The following MPDZ variants were observed in gnomAD, a reference collection of about 807,000 sequenced individuals.
The protein encoded by MPDZ is multiple PDZ domain protein.
MPDZ carries 234 observed loss-of-function variants against 239.1 expected under a neutral mutation model. The observed-to-expected ratio is 0.98, with a 90% CI of 0.88 to 1.09. The LOEUF is 1.09. Among genes scored for constraint, MPDZ ranks in the 50% least tolerant of loss-of-function variants. MPDZ has a pLI of 0.00. For missense variants in MPDZ, 3,175 were observed against 2,510.0 expected (o/e 1.26, Z -5.66); for synonymous variants, 1,048 against 881.3 (o/e 1.19, Z -3.35).
chr9:13,246,265 A>G (rs1288954040), intron 3 of MPDZ, among the ~76,000 whole-genome samples: 1 of 152,102 alleles, frequency 6.6e-6, no homozygotes, highest in African/African-American at 2.4e-5. Flanking sequence ...AACATGGTGA[A>G]ACCCCATCTC....
chr9:13,168,495 A>C lies in MPDZ; in HGVS notation c.3125T>G (p.Ile1042Ser). ...IVRSIIHGGA[I>S]SRDGRIAIGD... ...AATGGCAATCCGGCCATCTCGACTA[A>C]TGGCACCTCCATGAATAATGCTTCG... The change falls in exon 22 of 47, where the codon ATT (isoleucine) becomes AGT (serine). Residue 1042 changes from isoleucine to serine, a missense_variant. Ile to Ser is a moderately radical substitution (Grantham distance 142). Transcript: ENST00000319217. 1.2e-6 allele frequency: 2 copies of C among 1,613,528 alleles called. No homozygotes were observed. The highest frequency in any genetic ancestry group is 1.7e-6 in the Non-Finnish European group (2 of 1,179,592).
At chr9:13,253,201 T>A (rs1345631964) in intron 1 of MPDZ, among the ~76,000 whole-genome samples, 1 of 131,054 alleles carries the variant, frequency 7.6e-6, no homozygotes, top group Non-Finnish European at 1.6e-5. Context: ...TTACTTTTTC[T>A]TCCCCCAAAA....
intron 17 of MPDZ, 38 bp from the exon 18 acceptor site, chr9:13,186,424 A>C: frequency 1.5e-6 from 2 of 1,359,742 alleles, no homozygotes; most frequent in Non-Finnish European, 2.1e-6. Flanking sequence ...AAAGAGAGAG[A>C]ACAGCAAAGA....
At chr9:13,117,947 C>A (rs372876195) in intron 39 of MPDZ, among the ~76,000 whole-genome samples, 3 of 150,368 alleles carry the variant, frequency 2.0e-5, no homozygotes, top group African/African-American at 7.4e-5. Flanking sequence ...CGGGTTCAGG[C>A]GATTCTCCTG....
chr9:13,115,141 A>T, intron 40 of MPDZ, 107 bp downstream of exon 40: 1 of 876,140 alleles, frequency 1.1e-6, no homozygotes, highest in South Asian at 1.5e-5. Context: ...TCACTATCCC[A>T]CGCTGCCAGG....
At chr9:13,249,005 A>AAAAAAAAAAAAAAAAAAAAG (rs1967122455) in intron 2 of MPDZ, among the ~76,000 whole-genome samples, 1 of 132,684 alleles carries the variant, frequency 7.5e-6, no homozygotes, top group Non-Finnish European at 1.6e-5. Flanking sequence ...AAAAAAAAAA[A>AAAAAAAAAAAAAAAAAAAAG]AAAATTGGAA....
intron 27 of MPDZ, 72 bp from the exon 28 acceptor site, chr9:13,140,221 G>A: frequency 6.8e-7 from 1 of 1,476,674 alleles, no homozygotes; most frequent in Non-Finnish European, 9.1e-7. Context: ...AGAAATAAGA[G>A]TATACTGTCA....
At chr9:13,163,117 T>C (rs548859592) in intron 22 of MPDZ, among the ~76,000 whole-genome samples, 402 of 152,298 alleles carry the variant, frequency 2.6e-3, no homozygotes, top group South Asian at 7.9e-3. Flanking sequence ...ATTAGGAAGA[T>C]CTATAAATCC....
Position 13,193,206 on chromosome 9 carries a change from TCCAACAGGACCC to T in MPDZ, c.1752_1763del (p.Gly585_Gly588del). Reference sequence around the variant, plus strand: ...CTCCACTGAAGAGCTTCCCGCTGTGTCCAACAGGACCCTCTGGTAGAACAGATCGGATAAAAT... The same window carrying T: ...CTCCACTGAAGAGCTTCCCGCTGTGTTCTGGTAGAACAGATCGGATAAAAT... On this transcript the variant is annotated inframe_deletion, in exon 14 of 47. Coordinates refer to ENST00000319217, the MANE Select transcript of MPDZ (RefSeq NM_001378778.1). The T allele has an allele frequency of 6.2e-7, 1 of 1,605,864 alleles. No individual in the cohort carries two copies. Among genetic ancestry groups the T allele is most frequent in the Non-Finnish European group, 8.5e-7 (1 of 1,174,966 alleles).
chr9:13,272,876 C>T lies in MPDZ; in HGVS notation c.-58+6524G>A, dbSNP rs934903307. Among the ~76,000 whole-genome samples the T allele has an allele frequency of 2.0e-5, 3 of 152,118 alleles. No individual in the cohort carries two copies. The South Asian group carries it at 6.3e-4, about 32-fold the overall frequency. On this transcript the variant is annotated intron_variant, in intron 1 of 46. Transcript: ENST00000319217. ...CAGTAATGCCTTAGACAAAGCAAGACCTATTAAGGGGGCTGCTATGGTCTG... is the reference window on the plus strand; with the variant it reads ...CAGTAATGCCTTAGACAAAGCAAGATCTATTAAGGGGGCTGCTATGGTCTG...
intron 31 of MPDZ, 178 bp downstream of exon 31, chr9:13,135,914 G>T: frequency 2.0e-6 from 1 of 500,224 alleles, no homozygotes. Context: ...CTTCACATAA[G>T]TGGTATGCTT....
At chr9:13,198,733 CTCTCTGTGTG>C (rs1340543973) in intron 12 of MPDZ, among the ~76,000 whole-genome samples, 12,221 of 89,462 alleles carry the variant, frequency 0.14, 599 homozygotes, top group Non-Finnish European at 0.18. Context: ...TTTAATCTCT[CTCTCTGTGTG>C]TGTGTGTGTG....
At chr9:13,170,795 A>T (rs1951689726) in intron 21 of MPDZ, among the ~76,000 whole-genome samples, 1 of 152,206 alleles carries the variant, frequency 6.6e-6, no homozygotes, top group Non-Finnish European at 1.5e-5. Context: ...CTGTCAGGTC[A>T]CATCAACCAT....
At chr9:13,132,731 T>G (rs897476996) in intron 32 of MPDZ, among the ~76,000 whole-genome samples, 1 of 152,202 alleles carries the variant, frequency 6.6e-6, no homozygotes, top group African/African-American at 2.4e-5. Flanking sequence ...ATGAGGTAAG[T>G]TGGACAATTA....
intron 1 of MPDZ, among the ~76,000 whole-genome samples, chr9:13,259,778 G>A (rs1223199556): frequency 1.3e-5 from 2 of 152,108 alleles, no homozygotes; most frequent in African/African-American, 4.8e-5. Context: ...GCCTGGAGAT[G>A]TGAGTAAAGG....
intron 3 of MPDZ, among the ~76,000 whole-genome samples, chr9:13,238,444 A>G (rs1204008098): frequency 6.6e-6 from 1 of 152,156 alleles, no homozygotes; most frequent in Non-Finnish European, 1.5e-5. Flanking sequence ...GCCCGCCTAT[A>G]AAATATGCTG....
rs1413749017 is a variant in MPDZ at position 13,147,729 on chromosome 9, T to G, written c.3631-71A>C. On this transcript the variant is annotated intron_variant, in intron 25 of 46. Coordinates refer to ENST00000319217, the MANE Select transcript of MPDZ (RefSeq NM_001378778.1). ...AACAAAAAAATGTGTGGATATGGAGTTTTAGGGATACTTGGTTAGACTCCT... is the reference window on the plus strand; with the variant it reads ...AACAAAAAAATGTGTGGATATGGAGGTTTAGGGATACTTGGTTAGACTCCT... The G allele has an allele frequency of 5.4e-6, 6 of 1,115,186 alleles. No homozygotes were observed. The Admixed American group carries it at 9.9e-5, about 18-fold the overall frequency. The allele number at this position is 1,115,186 out of a possible 1,614,324, so 69.1% of individuals were successfully genotyped here. A position where few individuals can be genotyped will look rare whatever the true frequency, so the allele number is the denominator to read the frequency against.
rs1242527389 is a variant in MPDZ at position 13,140,022 on chromosome 9, T to G, written c.3968A>C (p.Asp1323Ala). The G allele has an allele frequency of 6.2e-7, 1 of 1,613,406 alleles. No individual in the cohort carries two copies. Among genetic ancestry groups the G allele is most frequent in the Non-Finnish European group, 8.5e-7 (1 of 1,179,680 alleles). ...ACCAAACTCATCCTCTTTGTCCACA[T>G]CTTGTGAGATTTTGCTTGCAGATGA... Reference protein sequence around the residue: ...TQSSASKISQDVDKEDEFGYS... With the variant: ...TQSSASKISQAVDKEDEFGYS... The change falls in exon 28 of 47, where the codon GAT (aspartate) becomes GCT (alanine). Residue 1323 changes from aspartate to alanine, a missense_variant. By Grantham distance (126) the Asp-to-Ala change is moderately radical. Transcript: ENST00000319217.
intron 38 of MPDZ, chr9:13,119,857 G>C (rs527702455): frequency 3.1e-5 from 18 of 580,904 alleles, no homozygotes; most frequent in Middle Eastern, 4.7e-4. Context: ...AGATTAAAAT[G>C]ATCTCCAATA....
Sources: allele counts gnomAD v4.1 joint callset (sites outside exome capture counted in the v4.1 genomes callset), GRCh38; gene constraint gnomAD v4.1.1; transcripts MANE v1.5; gene names NCBI Gene and HGNC (gene_info 2026-07-23, HGNC 2026-07-21).